RAD18: variants seen among roughly 807,000 people sequenced by gnomAD.
The protein encoded by RAD18 is RAD18 E3 ubiquitin protein ligase, also known as E3 ubiquitin-protein ligase RAD18.
In RAD18, 47 loss-of-function variants were observed where a neutral mutation model predicts 60.4. That is an observed-to-expected ratio of 0.78 (90% CI 0.62 to 0.99). RAD18 has a LOEUF of 0.99. Ranked by LOEUF, RAD18 falls within the 50% of genes least tolerant of loss-of-function variation. The pLI is 0.00. For missense variants in RAD18, 640 were observed against 593.3 expected (o/e 1.08, Z -0.82); for synonymous variants, 225 against 195.5 (o/e 1.15, Z -1.26).
At chr3:8,912,742 C>T (rs996385324) in intron 8 of RAD18, among the ~76,000 whole-genome samples, 25 of 152,136 alleles carry the variant, frequency 1.6e-4, no homozygotes, top group African/African-American at 6.0e-4. Flanking sequence ...TTCTTGTCTG[C>T]CTTCTCTCCT....
rs567502306 is a variant in RAD18, at chr3:8,926,215, C to A, written c.889+9656G>T. Among the ~76,000 whole-genome samples the A allele has an allele frequency of 2.7e-3, 404 of 152,288 alleles. 2 individuals are homozygous for A. The highest frequency in any genetic ancestry group is 9.5e-3 in the African/African-American group (393 of 41,552). On this transcript the variant is annotated intron_variant, in intron 7 of 12. Transcript: ENST00000264926. Reference sequence around the variant, plus strand: ...AGCTGATAAGCAACTTCAGCAAAGACTCAGGATACAAAATCAATGTGCAAA... The same window carrying A: ...AGCTGATAAGCAACTTCAGCAAAGAATCAGGATACAAAATCAATGTGCAAA...
intron 11 of RAD18, among the ~76,000 whole-genome samples, chr3:8,891,176 G>T (rs575218265): frequency 1.4e-4 from 22 of 151,828 alleles, no homozygotes; most frequent in Non-Finnish European, 2.9e-4. Flanking sequence ...CCCTTTGGGG[G>T]TGATACTGCT....
intron 2 of RAD18, among the ~76,000 whole-genome samples, chr3:8,949,058 T>C (rs1312521487): frequency 6.6e-6 from 1 of 152,128 alleles, no homozygotes; most frequent in Non-Finnish European, 1.5e-5. Context: ...CTAAGAACAA[T>C]ATATATAAAG....
At chr3:8,887,877 C>T (rs994773891) in intron 12 of RAD18, among the ~76,000 whole-genome samples, 7 of 152,134 alleles carry the variant, frequency 4.6e-5, no homozygotes, top group African/African-American at 7.2e-5. Flanking sequence ...GAGACAGCAA[C>T]GGGCCCAGCC....
chr3:8,942,033 C>T (rs1019314727), intron 4 of RAD18, among the ~76,000 whole-genome samples: 14 of 152,132 alleles, frequency 9.2e-5, no homozygotes, highest in African/African-American at 3.4e-4. Flanking sequence ...CTTTAGGCCA[C>T]AGAGAACAGC....
At chr3:8,919,636 A>G (rs572652889) in intron 7 of RAD18, among the ~76,000 whole-genome samples, 1 of 152,252 alleles carries the variant, frequency 6.6e-6, no homozygotes, top group African/African-American at 2.4e-5. Context: ...ACATATATGC[A>G]TATATTTCCC....
At position 8,941,870 on chromosome 3, in the gene RAD18, T is replaced by C. The variant is rs13060703; in HGVS notation, c.267-66A>G. 5.7e-3 allele frequency: 7,945 copies of C among 1,401,034 alleles called. 41 individuals are homozygous for C. Among genetic ancestry groups the C allele is most frequent in the Middle Eastern group, 9.4e-3 (41 of 4,378 alleles). 86.8% of individuals were successfully genotyped at this position (1,401,034 alleles called of 1,614,324 possible). A position where few individuals can be genotyped will look rare whatever the true frequency, so the allele number is the denominator to read the frequency against. On this transcript the variant is annotated intron_variant, in intron 4 of 12. Coordinates refer to ENST00000264926, the MANE Select transcript of RAD18 (RefSeq NM_020165.4). ...ATTTTACATCATAAATTAACTGACA[T>C]AAGCTGTTTTCCCAATTAACCTTGT... is the stretch of plus-strand genomic sequence containing the variant.
intron 7 of RAD18, among the ~76,000 whole-genome samples, chr3:8,928,194 A>G (rs1296575660): frequency 6.6e-6 from 1 of 152,112 alleles, no homozygotes; most frequent in Admixed American, 6.6e-5. Flanking sequence ...AACAAAAAGA[A>G]GTATAGCTCG....
chr3:8,907,586 C>A (rs550664366), intron 9 of RAD18, among the ~76,000 whole-genome samples: 1 of 152,234 alleles, frequency 6.6e-6, no homozygotes, highest in East Asian at 1.9e-4. Flanking sequence ...GCAACACAAG[C>A]GGCTGATGCA....
chr3:8,963,267 T>G lies in RAD18; in HGVS notation c.51+68A>C. 19 of 1,476,122 alleles carry G rather than the reference T, an allele frequency of 1.3e-5. No individual in the cohort carries two copies. In the South Asian group the frequency reaches 2.3e-4, roughly 18 times the overall value. 91.4% of individuals were successfully genotyped at this position (1,476,122 alleles called of 1,614,324 possible). A position where few individuals can be genotyped will look rare whatever the true frequency, so the allele number is the denominator to read the frequency against. ...ATCCTTTCTCCTTAAGGCGAGGACA[T>G]CCTCCTCAAAGGGAGGGACCTCCCC... is the stretch of plus-strand genomic sequence containing the variant. On this transcript the variant is annotated intron_variant, in intron 1 of 12. Transcript: ENST00000264926.
intron 1 of RAD18, among the ~76,000 whole-genome samples, chr3:8,961,949 A>G (rs1490298522): frequency 3.3e-5 from 5 of 152,204 alleles, no homozygotes; most frequent in Non-Finnish European, 5.9e-5. Context: ...AAGCTTCATG[A>G]CAACAAATTA....
At chr3:8,917,292 C>T (rs573463917) in intron 7 of RAD18, among the ~76,000 whole-genome samples, 2 of 152,062 alleles carry the variant, frequency 1.3e-5, no homozygotes, top group Non-Finnish European at 2.9e-5. Flanking sequence ...CCCTCCATTA[C>T]AAAAAGTATT....
intron 3 of RAD18, 22 bp from the exon 4 acceptor site, chr3:8,947,312 T>C (rs1940854267): frequency 1.0e-5 from 16 of 1,549,560 alleles, no homozygotes; most frequent in African/African-American, 1.4e-5. Flanking sequence ...AAACAACAGA[T>C]GGAAAAAGGT....
At chr3:8,910,651 A>C (rs1336867992) in intron 9 of RAD18, among the ~76,000 whole-genome samples, 1 of 152,130 alleles carries the variant, frequency 6.6e-6, no homozygotes. Flanking sequence ...AATTATAACC[A>C]TCTTATGCAA....
At chr3:8,905,059 T>C (rs1228109846) in intron 9 of RAD18, among the ~76,000 whole-genome samples, 1 of 152,212 alleles carries the variant, frequency 6.6e-6, no homozygotes, top group Admixed American at 6.5e-5. Context: ...TCAAGACTAG[T>C]AACATTGTTC....
rs1305823695 is a variant in RAD18 at position 8,905,069 on chromosome 3, C to A, written c.1028-2549G>T. Reference sequence around the variant, plus strand: ...ACAGATCAAGACTAGTAACATTGTTCCCACTTACTTCTTTACTTCATTTTA... The same window carrying A: ...ACAGATCAAGACTAGTAACATTGTTACCACTTACTTCTTTACTTCATTTTA... On this transcript the variant is annotated intron_variant, in intron 9 of 12. Coordinates refer to ENST00000264926, the MANE Select transcript of RAD18 (RefSeq NM_020165.4). 3.3e-5 allele frequency among the ~76,000 whole-genome samples: 5 copies of A among 152,196 alleles called. No homozygotes were observed. In the South Asian group the frequency reaches 1.0e-3, roughly 32 times the overall value.
chr3:8,960,162 T>C (rs1023219647), intron 1 of RAD18, among the ~76,000 whole-genome samples: 1 of 151,978 alleles, frequency 6.6e-6, no homozygotes, highest in Non-Finnish European at 1.5e-5. Context: ...TAAAAATTCG[T>C]TGGGAGTAGT....
intron 12 of RAD18, among the ~76,000 whole-genome samples, chr3:8,888,863 T>C (rs1939630723): frequency 6.6e-6 from 1 of 152,212 alleles, no homozygotes; most frequent in Non-Finnish European, 1.5e-5. Context: ...TAGTAATCAC[T>C]TTAAGAAGTT....
chr3:8,923,178 C>T (rs569103530), intron 7 of RAD18, among the ~76,000 whole-genome samples: 7 of 152,204 alleles, frequency 4.6e-5, no homozygotes, highest in East Asian at 1.9e-4. Flanking sequence ...AAAGATTAGA[C>T]GAATGGCTAA....
Sources: allele counts gnomAD v4.1 joint callset (sites outside exome capture counted in the v4.1 genomes callset), GRCh38; gene constraint gnomAD v4.1.1; transcripts MANE v1.5; gene names NCBI Gene and HGNC (gene_info 2026-07-23, HGNC 2026-07-21).